ST6GALNAC3: variants seen among roughly 807,000 people sequenced by gnomAD.
The protein encoded by ST6GALNAC3 is alpha-N-acetylgalactosaminide alpha-2,6-sialyltransferase 3.
A neutral mutation model predicts 32.7 loss-of-function variants in ST6GALNAC3; 25 were observed. That is an observed-to-expected ratio of 0.76 (90% CI 0.56 to 1.07). The LOEUF (loss-of-function observed/expected upper bound fraction) is 1.07, where lower values mean the gene tolerates loss of function less well. Ranked by LOEUF, ST6GALNAC3 falls within the 50% of genes least tolerant of loss-of-function variation. The pLI is 0.00. For synonymous variants in ST6GALNAC3, 129 were observed against 133.1 expected (o/e 0.97, Z 0.21); for missense variants, 355 against 382.4 (o/e 0.93, Z 0.60).
intron 1 of ST6GALNAC3, among the ~76,000 whole-genome samples, chr1:76,313,244 C>T (rs1244192545): frequency 6.6e-6 from 1 of 151,896 alleles, no homozygotes; most frequent in Non-Finnish European, 1.5e-5. Context: ...TCTTTGAATG[C>T]CTGTAGTATG....
chr1:76,573,403 G>C (rs745440501), intron 3 of ST6GALNAC3, among the ~76,000 whole-genome samples: 6 of 152,002 alleles, frequency 3.9e-5, no homozygotes, highest in Non-Finnish European at 8.8e-5. Context: ...CACCCAGAGT[G>C]GTGTTCTTAT....
chr1:76,266,952 G>T (rs1464695449), intron 1 of ST6GALNAC3, among the ~76,000 whole-genome samples: 1 of 152,174 alleles, frequency 6.6e-6, no homozygotes, highest in Non-Finnish European at 1.5e-5. Context: ...ATGCGGATAT[G>T]CTCGGGTCTT....
chr1:76,398,602 G>T (rs1013258916), intron 2 of ST6GALNAC3, among the ~76,000 whole-genome samples: 1 of 152,070 alleles, frequency 6.6e-6, no homozygotes, highest in Admixed American at 6.5e-5. Context: ...TTCAATGCTG[G>T]ATAGTAGCCC....
At chr1:76,369,057 T>C (rs1346184024) in intron 2 of ST6GALNAC3, among the ~76,000 whole-genome samples, 1 of 152,210 alleles carries the variant, frequency 6.6e-6, no homozygotes, top group Non-Finnish European at 1.5e-5. Context: ...TTGCTTACCT[T>C]TTTGATATAT....
intron 1 of ST6GALNAC3, among the ~76,000 whole-genome samples, chr1:76,107,227 TG>T (rs1647594464): frequency 6.6e-6 from 1 of 152,190 alleles, no homozygotes; most frequent in Admixed American, 6.5e-5. Context: ...AGACAATGGT[TG>T]ATGAGAATAA....
At chr1:76,134,082 A>T (rs1649783596) in intron 1 of ST6GALNAC3, among the ~76,000 whole-genome samples, 1 of 152,234 alleles carries the variant, frequency 6.6e-6, no homozygotes. Flanking sequence ...TTATCCAAAT[A>T]AGGAAGAAGA....
chr1:76,127,231 G>T (rs372824906), intron 1 of ST6GALNAC3, among the ~76,000 whole-genome samples: 2 of 152,174 alleles, frequency 1.3e-5, no homozygotes, highest in East Asian at 3.9e-4. Flanking sequence ...AACTTGCTGT[G>T]GGGAAGACTG....
chr1:76,408,753 G>A (rs914340983), intron 2 of ST6GALNAC3, among the ~76,000 whole-genome samples: 4 of 61,454 alleles, frequency 6.5e-5, no homozygotes, highest in African/African-American at 1.4e-4. Context: ...ACATATCCAA[G>A]ACTTTCTTTT....
At chr1:76,413,398 A>G (rs1654403403) in intron 3 of ST6GALNAC3, among the ~76,000 whole-genome samples, 1 of 152,210 alleles carries the variant, frequency 6.6e-6, no homozygotes, top group Non-Finnish European at 1.5e-5. Context: ...AGCATCTGCT[A>G]TAGTTCCAAT....
At chr1:76,434,513 C>T (rs1242660878) in intron 3 of ST6GALNAC3, among the ~76,000 whole-genome samples, 2 of 152,040 alleles carry the variant, frequency 1.3e-5, no homozygotes, top group African/African-American at 4.8e-5. Flanking sequence ...TTGAAATTTC[C>T]TTAAAGAGCT....
chr1:76,565,597 GA>G (rs1442791972), intron 3 of ST6GALNAC3, among the ~76,000 whole-genome samples: 2 of 152,190 alleles, frequency 1.3e-5, no homozygotes, highest in African/African-American at 4.8e-5. Flanking sequence ...CTGCATTATA[GA>G]AAAAGCACAG....
chr1:76,277,196 T>C (rs1374620316), intron 1 of ST6GALNAC3, among the ~76,000 whole-genome samples: 2 of 152,162 alleles, frequency 1.3e-5, no homozygotes, highest in Non-Finnish European at 2.9e-5. Flanking sequence ...GATATTTTGT[T>C]GTCTTATTTT....
chr1:76,351,661 T>A (rs931333319), intron 2 of ST6GALNAC3, among the ~76,000 whole-genome samples: 3 of 152,152 alleles, frequency 2.0e-5, no homozygotes, highest in African/African-American at 7.2e-5. Flanking sequence ...ATAATTAAAA[T>A]TTTTTCAGAG....
At chr1:76,353,562 G>A (rs1052402793) in intron 2 of ST6GALNAC3, 2 of 155,332 alleles carry the variant, frequency 1.3e-5, no homozygotes. Context: ...AGGAAACAGT[G>A]AAGGGATCTG....
intron 2 of ST6GALNAC3, among the ~76,000 whole-genome samples, chr1:76,390,897 C>T (rs999246949): frequency 7.6e-6 from 1 of 132,048 alleles, no homozygotes; most frequent in South Asian, 2.4e-4. Flanking sequence ...ATTTATGCTC[C>T]TCAAATCATT....
In ST6GALNAC3 at chr1:76,361,589, A is replaced by G. The variant is rs945099026; in HGVS notation, c.213+47590A>G. ...CAGTTCCATTTTAAATTTTCTCTCT[A>G]TGAAGATGAAGGAAGAATATTTTTA... On this transcript the variant is annotated intron_variant, in intron 2 of 4. Transcript: ENST00000328299. Among the ~76,000 whole-genome samples the G allele has an allele frequency of 4.8e-4, 73 of 152,092 alleles. 1 individual carries two copies. Among genetic ancestry groups the G allele is most frequent in the Non-Finnish European group, 1.0e-4 (7 of 68,016 alleles).
chr1:76,115,106 CT>C (rs1648370387), intron 1 of ST6GALNAC3, among the ~76,000 whole-genome samples: 1 of 152,012 alleles, frequency 6.6e-6, no homozygotes, highest in Non-Finnish European at 1.5e-5. Context: ...ATTTTGTTGT[CT>C]GTCCTTCAGA....
At chr1:76,363,447 GAAACC>G (rs1298963326) in intron 2 of ST6GALNAC3, among the ~76,000 whole-genome samples, 3 of 152,146 alleles carry the variant, frequency 2.0e-5, no homozygotes, top group African/African-American at 7.2e-5. Flanking sequence ...CACTTTTGTT[GAAACC>G]ATTCAACAAG....
At chr1:76,468,704 T>C (rs545271450) in intron 3 of ST6GALNAC3, among the ~76,000 whole-genome samples, 11 of 152,140 alleles carry the variant, frequency 7.2e-5, no homozygotes, top group South Asian at 6.2e-4. Context: ...ATTATCTCAA[T>C]TGAGGCTAAG....
Sources: allele counts gnomAD v4.1 joint callset (sites outside exome capture counted in the v4.1 genomes callset), GRCh38; gene constraint gnomAD v4.1.1; transcripts MANE v1.5; gene names NCBI Gene and HGNC (gene_info 2026-07-23, HGNC 2026-07-21).